SOX5: variants seen among roughly 807,000 people sequenced by gnomAD.
The protein encoded by SOX5 is SRY-box transcription factor 5, also known as transcription factor SOX-5.
In SOX5, 9 loss-of-function variants were observed where a neutral mutation model predicts 92.0. The observed-to-expected ratio is 0.10, with a 90% CI of 0.06 to 0.17. The LOEUF is 0.17. Among genes scored for constraint, SOX5 ranks in the 10% least tolerant of loss-of-function variants. The pLI, the probability that SOX5 is intolerant of heterozygous loss-of-function variation, is 1.00. For synonymous variants in SOX5, 344 were observed against 336.3 expected (o/e 1.02, Z -0.25); for missense variants, 642 against 944.5 (o/e 0.68, Z 4.20).
chr12:24,410,923 T>C (rs531722673), intron 1 of SOX5, among the ~76,000 whole-genome samples: 5 of 152,338 alleles, frequency 3.3e-5, no homozygotes, highest in Admixed American at 3.3e-4. Flanking sequence ...ATCTTTGCCA[T>C]GTTGAGTGTT....
At chr12:24,431,389 T>C (rs1347537610) in intron 1 of SOX5, among the ~76,000 whole-genome samples, 3 of 152,174 alleles carry the variant, frequency 2.0e-5, no homozygotes, top group Non-Finnish European at 4.4e-5. Context: ...CCTTTTTAGC[T>C]TTATTAAGGC....
At chr12:23,964,455 T>C (rs1947312796) in intron 4 of SOX5, among the ~76,000 whole-genome samples, 1 of 152,174 alleles carries the variant, frequency 6.6e-6, no homozygotes, top group Non-Finnish European at 1.5e-5. Flanking sequence ...GAAAGATACA[T>C]AGTTGTCCTG....
intron 1 of SOX5, among the ~76,000 whole-genome samples, chr12:23,946,395 A>G (rs1944594452): frequency 6.6e-6 from 1 of 152,064 alleles, no homozygotes; most frequent in Non-Finnish European, 1.5e-5. Flanking sequence ...ACACAAAACT[A>G]TTATGTTACA....
chr12:23,802,378 C>G (rs1567882831), intron 3 of SOX5, among the ~76,000 whole-genome samples: 1 of 152,096 alleles, frequency 6.6e-6, no homozygotes, highest in Non-Finnish European at 1.5e-5. Context: ...CTGCGCCCGG[C>G]CTTTTCTTAA....
At chr12:23,985,297 G>A (rs965800524) in intron 4 of SOX5, among the ~76,000 whole-genome samples, 4 of 151,946 alleles carry the variant, frequency 2.6e-5, no homozygotes, top group Non-Finnish European at 5.9e-5. Flanking sequence ...CAGGCAGGCT[G>A]TAGCCCAGTG....
At chr12:23,754,105 C>T (rs777172639) in intron 4 of SOX5, among the ~76,000 whole-genome samples, 14 of 151,830 alleles carry the variant, frequency 9.2e-5, no homozygotes, top group African/African-American at 3.4e-4. Context: ...CTGTAGCTTC[C>T]TAAACTAACC....
intron 4 of SOX5, among the ~76,000 whole-genome samples, chr12:24,079,556 G>A (rs1170524772): frequency 1.3e-5 from 2 of 151,894 alleles, no homozygotes; most frequent in Non-Finnish European, 2.9e-5. Flanking sequence ...TATTCACAAA[G>A]TTGCATTAAT....
chr12:24,170,049 C>T (rs1953901149), intron 4 of SOX5, among the ~76,000 whole-genome samples: 1 of 152,018 alleles, frequency 6.6e-6, no homozygotes. Flanking sequence ...GAGAGTGGCA[C>T]CTTTAAGTAC....
chr12:24,180,322 G>T (rs558049265), intron 4 of SOX5, among the ~76,000 whole-genome samples: 1 of 152,240 alleles, frequency 6.6e-6, no homozygotes, highest in South Asian at 2.1e-4. Flanking sequence ...GCAACAAACA[G>T]CCCAAGGAGA....
intron 3 of SOX5, among the ~76,000 whole-genome samples, chr12:24,257,320 C>A (rs1480183456): frequency 6.6e-6 from 1 of 152,116 alleles, no homozygotes; most frequent in Admixed American, 6.5e-5. Context: ...TTCCTACATT[C>A]ATTATATACA....
intron 3 of SOX5, among the ~76,000 whole-genome samples, chr12:23,801,094 G>T (rs767082372): frequency 6.6e-6 from 1 of 152,094 alleles, no homozygotes; most frequent in African/African-American, 2.4e-5. Context: ...GCCATACTAC[G>T]AATAGGAAGT....
chr12:23,898,884 A>G (rs1348686808), intron 1 of SOX5, among the ~76,000 whole-genome samples: 2 of 152,206 alleles, frequency 1.3e-5, no homozygotes, highest in Non-Finnish European at 2.9e-5. Context: ...AATCGTTATA[A>G]TAAAAGCAAC....
intron 4 of SOX5, among the ~76,000 whole-genome samples, chr12:23,998,199 A>C (rs1015125421): frequency 2.6e-5 from 4 of 152,174 alleles, no homozygotes; most frequent in Non-Finnish European, 5.9e-5. Context: ...GAATGACAGA[A>C]AATGTGATGG....
intron 3 of SOX5, among the ~76,000 whole-genome samples, chr12:24,215,573 T>C (rs755738335): frequency 1.2e-4 from 19 of 152,060 alleles, no homozygotes; most frequent in Non-Finnish European, 2.1e-4. Flanking sequence ...AATCACAAAC[T>C]ATAAACATCT....
At chr12:23,796,059 A>G (rs2095556438) in intron 3 of SOX5, among the ~76,000 whole-genome samples, 3 of 152,128 alleles carry the variant, frequency 2.0e-5, no homozygotes, top group Non-Finnish European at 4.4e-5. Flanking sequence ...TCTAACTGTT[A>G]CTTATTGATA....
intron 4 of SOX5, among the ~76,000 whole-genome samples, chr12:24,134,722 C>T (rs1284600484): frequency 6.6e-6 from 1 of 152,140 alleles, no homozygotes; most frequent in African/African-American, 2.4e-5. Flanking sequence ...AACAAAAACA[C>T]AGAATTACCC....
At chr12:23,678,038 C>G (rs2085991974) in intron 6 of SOX5, among the ~76,000 whole-genome samples, 1 of 152,084 alleles carries the variant, frequency 6.6e-6, no homozygotes, top group Non-Finnish European at 1.5e-5. Flanking sequence ...GCTAAGGACA[C>G]ACTAGCAGTT....
chr12:24,347,976 A>C (rs1953527702), intron 2 of SOX5, among the ~76,000 whole-genome samples: 1 of 133,058 alleles, frequency 7.5e-6, no homozygotes, highest in Non-Finnish European at 1.5e-5. Context: ...GTTCACTGCT[A>C]TTTTGCCAAG....
chr12:23,683,658 A>C (rs576612101), intron 6 of SOX5, among the ~76,000 whole-genome samples: 3 of 152,018 alleles, frequency 2.0e-5, no homozygotes, highest in Admixed American at 1.3e-4. Context: ...AAAAAACTCA[A>C]CGTTTCAATT....
Sources: allele counts gnomAD v4.1 joint callset (sites outside exome capture counted in the v4.1 genomes callset), GRCh38; gene constraint gnomAD v4.1.1; transcripts MANE v1.5; gene names NCBI Gene and HGNC (gene_info 2026-07-23, HGNC 2026-07-21).